Variants in PTPN13 observed in about 807,000 individuals in gnomAD.
PTPN13 encodes the protein protein tyrosine phosphatase non-receptor type 13, also known as tyrosine-protein phosphatase non-receptor type 13.
A neutral mutation model predicts 284.0 loss-of-function variants in PTPN13; 191 were observed. That is an observed-to-expected ratio of 0.67 (90% CI 0.60 to 0.76). The LOEUF (loss-of-function observed/expected upper bound fraction) is 0.76, where lower values mean the gene tolerates loss of function less well. Among genes scored for constraint, PTPN13 ranks in the 30% least tolerant of loss-of-function variants. PTPN13 has a pLI of 0.00. For missense variants in PTPN13, 2,797 were observed against 2,939.9 expected (o/e 0.95, Z 1.12); for synonymous variants, 986 against 1,022.3 (o/e 0.96, Z 0.68).
chr4:86,750,942 G>A (rs1471722076), intron 18 of PTPN13, 55 bp downstream of exon 18: 19 of 1,569,638 alleles, frequency 1.2e-5, no homozygotes, highest in South Asian at 1.2e-4. Context: ...CATTTCATAC[G>A]TTTCTTTTTG....
chr4:86,704,296 AT>A (rs546996243), intron 7 of PTPN13, among the ~76,000 whole-genome samples: 8 of 150,392 alleles, frequency 5.3e-5, no homozygotes, highest in Middle Eastern at 3.4e-3. Flanking sequence ...AAAGCTTGAG[AT>A]TTTTTTTTTA....
intron 2 of PTPN13, among the ~76,000 whole-genome samples, chr4:86,663,312 A>G (rs754967278): frequency 7.9e-5 from 12 of 152,226 alleles, no homozygotes; most frequent in South Asian, 2.1e-4. Context: ...AATTAAACCC[A>G]TGGGGGGGTT....
chr4:86,688,348 T>TA (rs1359100818), intron 4 of PTPN13, among the ~76,000 whole-genome samples: 1 of 152,168 alleles, frequency 6.6e-6, no homozygotes, highest in Non-Finnish European at 1.5e-5. Context: ...TTCACTATTT[T>TA]ATTGGGTGTG....
intron 3 of PTPN13, among the ~76,000 whole-genome samples, chr4:86,683,414 A>T (rs1729115103): frequency 6.6e-6 from 1 of 152,226 alleles, no homozygotes; most frequent in Non-Finnish European, 1.5e-5. Flanking sequence ...GAAAACACTG[A>T]TGTTCCAGTT....
intron 15 of PTPN13, 140 bp downstream of exon 15, chr4:86,735,886 G>A (rs1448959388): frequency 8.1e-6 from 6 of 743,338 alleles, no homozygotes; most frequent in African/African-American, 1.8e-5. Flanking sequence ...CTAAAATTAT[G>A]GTATTTTAAT....
At position 86,811,068 on chromosome 4, in the gene PTPN13, G is replaced by A. The variant is rs182154840; in HGVS notation, c.7322G>A (p.Arg2441His). ...DLDFDISDLV[R>H]CMRLQRHGMV... ...CAGTTTGACATCTCTGATTTGGTGC[G>A]CTGCATGAGACTACAAAGACACGGA... The change falls in exon 47 of 48, where the codon CGC becomes CAC. Residue 2441 changes from arginine (R) to histidine (H), a missense_variant. Coordinates refer to ENST00000411767, the MANE Select transcript of PTPN13 (RefSeq NM_080683.3). 1.1e-3 allele frequency: 1,837 copies of A among 1,613,302 alleles called. 3 individuals carry two copies. Among genetic ancestry groups the A allele is most frequent in the Non-Finnish European group, 1.5e-3 (1,717 of 1,179,458 alleles).
At chr4:86,673,932 C>T (rs966698000) in intron 3 of PTPN13, among the ~76,000 whole-genome samples, 4 of 152,164 alleles carry the variant, frequency 2.6e-5, no homozygotes, top group Non-Finnish European at 5.9e-5. Flanking sequence ...GTCTTGAACT[C>T]CTGACCTCAA....
intron 1 of PTPN13, among the ~76,000 whole-genome samples, chr4:86,606,673 A>C (rs967439174): frequency 6.6e-6 from 1 of 151,948 alleles, no homozygotes; most frequent in African/African-American, 2.4e-5. Flanking sequence ...AATGCAATTC[A>C]ATAAATAGGT....
At chr4:86,597,830 T>G (rs145347629) in intron 1 of PTPN13, among the ~76,000 whole-genome samples, 2 of 151,876 alleles carry the variant, frequency 1.3e-5, no homozygotes, top group Non-Finnish European at 2.9e-5. Flanking sequence ...ACTTCACATG[T>G]TTTTCCCAGA....
At chr4:86,723,068 C>T (rs1733850665) in intron 10 of PTPN13, among the ~76,000 whole-genome samples, 1 of 152,104 alleles carries the variant, frequency 6.6e-6, no homozygotes, top group Non-Finnish European at 1.5e-5. Context: ...AACATAAAAT[C>T]AAAATGAACA....
chr4:86,739,109 G>A (rs897406361), intron 15 of PTPN13, among the ~76,000 whole-genome samples: 2 of 152,104 alleles, frequency 1.3e-5, no homozygotes, highest in African/African-American at 4.8e-5. Flanking sequence ...CACCTTCTAA[G>A]TTTTATGCTT....
chr4:86,599,553 A>G (rs534396413), intron 1 of PTPN13, among the ~76,000 whole-genome samples: 341 of 152,300 alleles, frequency 2.2e-3, no homozygotes, highest in Middle Eastern at 0.017. Flanking sequence ...GCTACTAGCT[A>G]CTGTAGCAAA....
chr4:86,637,359 G>T (rs1434540595), intron 2 of PTPN13, among the ~76,000 whole-genome samples: 1 of 152,070 alleles, frequency 6.6e-6, no homozygotes, highest in Non-Finnish European at 1.5e-5. Flanking sequence ...TACCAAAGCC[G>T]GGAAGAGACA....
chr4:86,645,187 C>T (rs1308040067), intron 2 of PTPN13, among the ~76,000 whole-genome samples: 1 of 152,078 alleles, frequency 6.6e-6, no homozygotes, highest in Non-Finnish European at 1.5e-5. Context: ...TAGGCCCCGT[C>T]TCCAAAAACA....
intron 2 of PTPN13, among the ~76,000 whole-genome samples, chr4:86,658,862 A>G (rs1445777293): frequency 1.3e-5 from 2 of 152,208 alleles, no homozygotes; most frequent in Non-Finnish European, 2.9e-5. Flanking sequence ...ACAGGACACC[A>G]TAAACAAGGA....
At chr4:86,646,191 G>A (rs894160361) in intron 2 of PTPN13, among the ~76,000 whole-genome samples, 8 of 148,778 alleles carry the variant, frequency 5.4e-5, no homozygotes, top group Non-Finnish European at 1.2e-4. Context: ...GAAAAAAAAA[G>A]ATACAGTGGA....
chr4:86,770,458 A>G (rs1337143951), intron 30 of PTPN13, among the ~76,000 whole-genome samples: 1 of 152,234 alleles, frequency 6.6e-6, no homozygotes, highest in Non-Finnish European at 1.5e-5. Context: ...GGGCACTGAT[A>G]CTAGTTATTA....
In PTPN13 at chr4:86,784,539, A is replaced by G. The variant is rs779617549; in HGVS notation, c.6099A>G (p.Pro2033=). The G allele has an allele frequency of 6.2e-7, 1 of 1,607,254 alleles. No individual in the cohort carries two copies. Among genetic ancestry groups the G allele is most frequent in the East Asian group, 2.2e-5 (1 of 44,530 alleles). ...KCSTYQIKGS[P]NLTLPKESYI... The stretch of plus-strand genomic sequence containing the variant: ...CTACTTATCAGATAAAGGGATCACC[A>G]AACTTGACTCTGCCCAAAGGTAGTT... Residue 2033 remains proline, a synonymous_variant, in exon 38 of 48, where the codon CCA becomes CCG. Coordinates refer to ENST00000411767, the MANE Select transcript of PTPN13 (RefSeq NM_080683.3).
chr4:86,787,592 C>CAA (rs71657586), intron 40 of PTPN13, among the ~76,000 whole-genome samples: 2,212 of 130,700 alleles, frequency 0.017, 73 homozygotes, highest in African/African-American at 0.058. Flanking sequence ...GATTCTGTCT[C>CAA]AAAAAAAAAA....
Sources: gnomAD v4.1 joint callset for allele counts (sites outside exome capture counted in the v4.1 genomes callset) on GRCh38, gnomAD v4.1.1 for gene constraint, MANE v1.5 for transcripts, NCBI Gene and HGNC (gene_info 2026-07-23, HGNC 2026-07-21) for gene names.